MACROD2: variants seen among roughly 807,000 people sequenced by gnomAD.
MACROD2 encodes the protein mono-ADP ribosylhydrolase 2.
Under a neutral mutation model 70.4 loss-of-function variants are expected in MACROD2, and 36 were observed. The observed-to-expected ratio is 0.51, with a 90% CI of 0.39 to 0.68. The LOEUF (loss-of-function observed/expected upper bound fraction) is 0.68. Ranked by LOEUF, MACROD2 falls within the 30% of genes least tolerant of loss-of-function variation. MACROD2 has a pLI of 0.00. For missense variants in MACROD2, 496 were observed against 538.4 expected (o/e 0.92, Z 0.78); for synonymous variants, 172 against 178.8 (o/e 0.96, Z 0.30).
chr20:14,188,044 T>C lies in MACROD2; in HGVS notation c.271+102316T>C, dbSNP rs550069797. On this transcript the variant is annotated intron_variant, in intron 3 of 17. Coordinates refer to ENST00000684519, the MANE Select transcript of MACROD2 (RefSeq NM_001351661.2). ...ATTTGGTAGTTCATCCTATAGAATATGATTGAAAGGTAGAGTAAAACCAGA... is the reference window on the plus strand; with the variant it reads ...ATTTGGTAGTTCATCCTATAGAATACGATTGAAAGGTAGAGTAAAACCAGA... 2.6e-5 allele frequency among the ~76,000 whole-genome samples: 4 copies of C among 151,192 alleles called. No homozygotes were observed. In the East Asian group the frequency reaches 5.8e-4, roughly 22 times the overall value.
intron 7 of MACROD2, among the ~76,000 whole-genome samples, chr20:15,461,283 A>C (rs2046815739): frequency 6.6e-6 from 1 of 152,128 alleles, no homozygotes; most frequent in African/African-American, 2.4e-5. Flanking sequence ...GAATGTGTTA[A>C]AGTAACATTG....
At chr20:15,436,875 G>A (rs1164972656) in intron 7 of MACROD2, among the ~76,000 whole-genome samples, 1 of 152,108 alleles carries the variant, frequency 6.6e-6, no homozygotes, top group Non-Finnish European at 1.5e-5. Context: ...TTTCCTGGTG[G>A]CACTCTTTTT....
In MACROD2 at chr20:14,481,762, G is replaced by A. The variant is rs2084666345; in HGVS notation, c.272-11717G>A. Among the ~76,000 whole-genome samples, 3 of 152,150 alleles carry A rather than the reference G, an allele frequency of 2.0e-5. No homozygotes were observed. In the South Asian group the frequency reaches 6.2e-4, roughly 31 times the overall value. On this transcript the variant is annotated intron_variant, in intron 3 of 17. Transcript: ENST00000684519. ...GTTACTTACCAGCCCATGACCTTGG[G>A]CAAATAACTTAACCTCACTATAGCC... is the stretch of plus-strand genomic sequence containing the variant.
At chr20:14,868,719 T>G (rs1289209238) in intron 5 of MACROD2, among the ~76,000 whole-genome samples, 3 of 152,160 alleles carry the variant, frequency 2.0e-5, no homozygotes, top group Non-Finnish European at 2.9e-5. Flanking sequence ...CCTTTCAACA[T>G]ATTACAGATC....
chr20:15,713,884 G>A (rs942652124), intron 8 of MACROD2, among the ~76,000 whole-genome samples: 8 of 152,018 alleles, frequency 5.3e-5, no homozygotes, highest in African/African-American at 1.4e-4. Context: ...AAGGGGCCAG[G>A]AGGGAAGGCT....
At chr20:15,034,567 A>G (rs950633058) in intron 5 of MACROD2, among the ~76,000 whole-genome samples, 10 of 152,184 alleles carry the variant, frequency 6.6e-5, no homozygotes, top group Non-Finnish European at 1.2e-4. Context: ...GAAGTGATTT[A>G]TTAGCAAGAG....
chr20:14,562,343 A>G (rs1285684307), intron 4 of MACROD2, among the ~76,000 whole-genome samples: 4 of 149,050 alleles, frequency 2.7e-5, no homozygotes, highest in African/African-American at 9.7e-5. Flanking sequence ...AAAACCTATT[A>G]TACCATTATA....
At chr20:14,560,045 C>A (rs2024922) in intron 4 of MACROD2, among the ~76,000 whole-genome samples, 16,034 of 151,712 alleles carry the variant, frequency 0.11, 1,256 homozygotes, top group South Asian at 0.33. Flanking sequence ...TTTAAGTATT[C>A]AAGCTCTACT....
intron 3 of MACROD2, among the ~76,000 whole-genome samples, chr20:14,201,837 CAAAA>C (rs1048150695): frequency 9.8e-5 from 7 of 71,198 alleles, no homozygotes; most frequent in African/African-American, 3.4e-4. Flanking sequence ...GATTCCATCT[CAAAA>C]AAAAAAAAAA....
chr20:14,787,176 A>C (rs1055391075), intron 5 of MACROD2, among the ~76,000 whole-genome samples: 1 of 152,138 alleles, frequency 6.6e-6, no homozygotes, highest in African/African-American at 2.4e-5. Flanking sequence ...ATGCCTATTA[A>C]AGAGATGGTC....
chr20:15,772,370 G>T (rs1437113860), intron 8 of MACROD2, among the ~76,000 whole-genome samples: 2 of 151,820 alleles, frequency 1.3e-5, no homozygotes, highest in East Asian at 3.9e-4. Context: ...AGAAAACTGG[G>T]GCTCAGAAAA....
At chr20:14,551,109 T>C (rs1279689140) in intron 4 of MACROD2, among the ~76,000 whole-genome samples, 1 of 152,160 alleles carries the variant, frequency 6.6e-6, no homozygotes, top group African/African-American at 2.4e-5. Context: ...ATATAAGGTC[T>C]CCGTACAAGC....
At chr20:14,627,236 A>C (rs920487318) in intron 4 of MACROD2, 1 of 152,140 alleles carries the variant, frequency 6.6e-6, no homozygotes, top group Non-Finnish European at 1.5e-5. Flanking sequence ...TTCAGTTGCT[A>C]GTAGTGTTGC....
chr20:15,386,482 T>G (rs1191376035), intron 6 of MACROD2, among the ~76,000 whole-genome samples: 4 of 152,130 alleles, frequency 2.6e-5, no homozygotes, highest in Non-Finnish European at 5.9e-5. Flanking sequence ...TAAGAGACCA[T>G]TTGGGAAATT....
chr20:14,170,890 T>G (rs548777328), intron 3 of MACROD2, among the ~76,000 whole-genome samples: 21 of 152,230 alleles, frequency 1.4e-4, no homozygotes, highest in Non-Finnish European at 2.4e-4. Context: ...TCCCTCTTTA[T>G]CTTGTGAAGT....
At chr20:15,397,986 C>T (rs1267163772) in intron 6 of MACROD2, among the ~76,000 whole-genome samples, 2 of 152,098 alleles carry the variant, frequency 1.3e-5, no homozygotes, top group Non-Finnish European at 1.5e-5. Context: ...AGAAGTATTA[C>T]GCAGAACACA....
intron 5 of MACROD2, among the ~76,000 whole-genome samples, chr20:15,079,439 G>T (rs143020799): frequency 5.6e-4 from 85 of 152,002 alleles, no homozygotes; most frequent in Admixed American, 2.0e-3. Context: ...TGCAATAATT[G>T]CACCAGCTCC....
At chr20:14,367,319 A>G (rs1460716785) in intron 3 of MACROD2, among the ~76,000 whole-genome samples, 1 of 152,252 alleles carries the variant, frequency 6.6e-6, no homozygotes, top group Non-Finnish European at 1.5e-5. Flanking sequence ...ACAAACAAAA[A>G]TACAATAATA....
At chr20:16,003,575 G>A (rs557635257) in intron 15 of MACROD2, among the ~76,000 whole-genome samples, 1 of 152,198 alleles carries the variant, frequency 6.6e-6, no homozygotes, top group Non-Finnish European at 1.5e-5. Flanking sequence ...AGTTGAATGT[G>A]CATGAAATCA....
Sources: gnomAD v4.1 joint callset for allele counts (sites outside exome capture counted in the v4.1 genomes callset) on GRCh38, gnomAD v4.1.1 for gene constraint, MANE v1.5 for transcripts, NCBI Gene and HGNC (gene_info 2026-07-23, HGNC 2026-07-21) for gene names.